Variants in ANO2 observed in about 807,000 individuals in gnomAD.
ANO2 encodes anoctamin-2.
ANO2 carries 101 observed loss-of-function variants against 124.2 expected under a neutral mutation model. The ratio of observed to expected loss-of-function variants is 0.81; its 90% CI spans 0.69 to 0.96. The LOEUF (loss-of-function observed/expected upper bound fraction) is 0.96, where lower values mean the gene tolerates loss of function less well. ANO2 is among the 40% of genes least tolerant of loss of function. The pLI is 0.00. For missense variants in ANO2, 1,293 were observed against 1,274.5 expected (o/e 1.01, Z -0.22); for synonymous variants, 486 against 482.5 (o/e 1.01, Z -0.09).
chr12:5,844,663 C>T (rs1241814910), intron 4 of ANO2, among the ~76,000 whole-genome samples: 1 of 152,102 alleles, frequency 6.6e-6, no homozygotes, highest in Admixed American at 6.6e-5. Context: ...CTGAGCAAGA[C>T]AATATCATTT....
At chr12:5,592,292 C>T (rs1311265428) in intron 20 of ANO2, among the ~76,000 whole-genome samples, 1 of 152,014 alleles carries the variant, frequency 6.6e-6, no homozygotes, top group Admixed American at 6.6e-5. Flanking sequence ...TGTCCCTGTC[C>T]CCAAAGCACT....
chr12:5,755,011 T>C (rs923979042), intron 10 of ANO2, among the ~76,000 whole-genome samples: 1 of 152,132 alleles, frequency 6.6e-6, no homozygotes, highest in African/African-American at 2.4e-5. Flanking sequence ...TTATTTGAGA[T>C]CTTTCTTCTT....
chr12:5,872,516 C>A (rs1937774501), intron 3 of ANO2, among the ~76,000 whole-genome samples: 1 of 152,194 alleles, frequency 6.6e-6, no homozygotes. Flanking sequence ...ATCAGGCCCA[C>A]TAGGAGGTCT....
intron 3 of ANO2, among the ~76,000 whole-genome samples, chr12:5,875,714 T>C (rs368030905): frequency 6.6e-6 from 1 of 152,106 alleles, no homozygotes; most frequent in South Asian, 2.1e-4. Flanking sequence ...ATCTCCAGTA[T>C]ACACAAGAGC....
At chr12:5,802,671 C>G (rs747276149) in intron 9 of ANO2, among the ~76,000 whole-genome samples, 5 of 152,198 alleles carry the variant, frequency 3.3e-5, no homozygotes, top group Non-Finnish European at 5.9e-5. Context: ...AGCACAGACA[C>G]GTAACAATCC....
Position 5,591,183 on chromosome 12 carries a change from CA to C in ANO2, c.2233+8300del, listed in dbSNP as rs1943378504. Among the ~76,000 whole-genome samples the C allele has an allele frequency of 2.0e-5, 3 of 152,224 alleles. No individual in the cohort carries two copies. In the South Asian group the frequency reaches 6.2e-4, roughly 32 times the overall value. ...CAACAAGAGCGAAACTGTCTCAAAACAAAACAAAAACTACCAATTTGTTACT... is the reference window on the plus strand; with the variant it reads ...CAACAAGAGCGAAACTGTCTCAAAACAAACAAAAACTACCAATTTGTTACT... On this transcript the variant is annotated intron_variant, in intron 20 of 24. Transcript: ENST00000682330.
chr12:5,565,385 G>A (rs554755935), intron 24 of ANO2, among the ~76,000 whole-genome samples, 173 bp downstream of exon 24: 2 of 152,214 alleles, frequency 1.3e-5, no homozygotes, highest in African/African-American at 2.4e-5. Context: ...GCCCTCTCAA[G>A]AGTCCTCCTG....
chr12:5,626,323 G>A (rs80349844), intron 16 of ANO2, among the ~76,000 whole-genome samples: 3,582 of 152,176 alleles, frequency 0.024, 137 homozygotes, highest in African/African-American at 0.08. Flanking sequence ...CTGGAGATGC[G>A]GGTGGAGGTA....
intron 7 of ANO2, among the ~76,000 whole-genome samples, chr12:5,827,221 C>T (rs1246083754): frequency 6.6e-6 from 1 of 152,246 alleles, no homozygotes; most frequent in Non-Finnish European, 1.5e-5. Context: ...GACAATTACC[C>T]TAATATTTAA....
intron 20 of ANO2, among the ~76,000 whole-genome samples, chr12:5,583,621 C>T (rs1432722114): frequency 8.3e-6 from 1 of 120,538 alleles, no homozygotes; most frequent in Admixed American, 1.2e-4. Flanking sequence ...CCACTGCAAT[C>T]CGGCCTGGGC....
At chr12:5,609,393 A>T (rs1459093785) in intron 19 of ANO2, among the ~76,000 whole-genome samples, 1 of 152,182 alleles carries the variant, frequency 6.6e-6, no homozygotes, top group Non-Finnish European at 1.5e-5. Flanking sequence ...AGGTTGTCCC[A>T]GTACAAGGTC....
At chr12:5,923,066 A>G (rs1159334028) in intron 1 of ANO2, among the ~76,000 whole-genome samples, 4 of 111,268 alleles carry the variant, frequency 3.6e-5, no homozygotes, top group African/African-American at 1.3e-4. Flanking sequence ...CCACATACAC[A>G]CACACATGCA....
At chr12:5,748,763 C>T (rs1421308947) in intron 11 of ANO2, among the ~76,000 whole-genome samples, 2 of 151,580 alleles carry the variant, frequency 1.3e-5, no homozygotes, top group Non-Finnish European at 2.9e-5. Flanking sequence ...AAAACACAGC[C>T]CTAATAACCC....
chr12:5,610,983 T>TTTTTTGCTTTTTTTCTTG (rs1555100752), intron 19 of ANO2, among the ~76,000 whole-genome samples: 1 of 121,658 alleles, frequency 8.2e-6, no homozygotes, highest in African/African-American at 3.1e-5. Flanking sequence ...TTTTTTTTTT[T>TTTTTTGCTTTTTTTCTTG]TTTTTTGAGA....
chr12:5,943,924 G>A (rs1942993214), intron 1 of ANO2, among the ~76,000 whole-genome samples: 1 of 152,116 alleles, frequency 6.6e-6, no homozygotes, highest in Non-Finnish European at 1.5e-5. Flanking sequence ...ATGAAGAGAT[G>A]GCACACCTGG....
At chr12:5,770,619 C>T (rs1952049695) in intron 10 of ANO2, among the ~76,000 whole-genome samples, 1 of 152,176 alleles carries the variant, frequency 6.6e-6, no homozygotes, top group South Asian at 2.1e-4. Context: ...ACCACCAATA[C>T]CCTGGCCAAA....
chr12:5,669,091 A>G (rs1259858918), intron 14 of ANO2, among the ~76,000 whole-genome samples: 1 of 152,048 alleles, frequency 6.6e-6, no homozygotes, highest in African/African-American at 2.4e-5. Context: ...AAGAATTTCA[A>G]TGGTAGCTTA....
chr12:5,801,469 A>G (rs1953036684), intron 9 of ANO2, among the ~76,000 whole-genome samples: 1 of 152,242 alleles, frequency 6.6e-6, no homozygotes, highest in Non-Finnish European at 1.5e-5. Context: ...TCTGTCAAGG[A>G]GAACCTACTT....
chr12:5,855,783 A>C (rs1955079097), intron 3 of ANO2, among the ~76,000 whole-genome samples: 1 of 152,268 alleles, frequency 6.6e-6, no homozygotes, highest in African/African-American at 2.4e-5. Context: ...AGTTACACAG[A>C]TAGTGCAATA....
Sources: gnomAD v4.1 joint callset for allele counts (sites outside exome capture counted in the v4.1 genomes callset) on GRCh38, gnomAD v4.1.1 for gene constraint, MANE v1.5 for transcripts, NCBI Gene and HGNC (gene_info 2026-07-23, HGNC 2026-07-21) for gene names.